The following CEP128 variants were observed in gnomAD, a reference collection of about 807,000 sequenced individuals.
CEP128 encodes centrosomal protein 128.
Under a neutral mutation model 156.7 loss-of-function variants are expected in CEP128, and 132 were observed. That is an observed-to-expected ratio of 0.84 (90% CI 0.73 to 0.97). CEP128 has a LOEUF of 0.97. Among genes scored for constraint, CEP128 ranks in the 50% least tolerant of loss-of-function variants. CEP128 has a pLI of 0.00. For synonymous variants in CEP128, 469 were observed against 448.9 expected (o/e 1.04, Z -0.57); for missense variants, 1,252 against 1,281.9 (o/e 0.98, Z 0.36).
intron 2 of CEP128, among the ~76,000 whole-genome samples, chr14:80,929,643 C>T (rs1432248567): frequency 6.6e-6 from 1 of 152,124 alleles, no homozygotes; most frequent in Admixed American, 6.5e-5. Context: ...CATGTTCTCA[C>T]TTACAAGTGG....
intron 20 of CEP128, among the ~76,000 whole-genome samples, chr14:80,574,232 T>C (rs954464547): frequency 1.3e-5 from 2 of 152,208 alleles, no homozygotes; most frequent in Admixed American, 1.3e-4. Context: ...ATTGCTTCAG[T>C]TCTTTCTGAG....
rs151153916 is a variant in CEP128, at chr14:80,886,459, A to T, written c.645+9259T>A. On this transcript the variant is annotated intron_variant, in intron 8 of 24. Coordinates refer to ENST00000555265, the MANE Select transcript of CEP128 (RefSeq NM_152446.5). ...GCAGAAACCCTACAAGCCAAAAGAG[A>T]GTGGGGGCCAATATTCAACATTCTT... Among the ~76,000 whole-genome samples, 1,501 of 152,308 alleles carry T rather than the reference A, an allele frequency of 9.9e-3. 34 individuals carry two copies. The highest frequency in any genetic ancestry group is 0.034 in the African/African-American group (1,421 of 41,558).
rs57054840 is a variant in CEP128, at chr14:80,689,290, CAAAAAAAAAAAA to C, written c.2806+53773_2806+53784del. 3.4e-3 allele frequency among the ~76,000 whole-genome samples: 330 copies of C among 96,652 alleles called. 1 individual carries two copies. Among genetic ancestry groups the C allele is most frequent in the Non-Finnish European group, 6.1e-3 (286 of 47,210 alleles). The allele number at this position is 96,652 out of a possible 152,430, so 63.4% of individuals were successfully genotyped here. On this transcript the variant is annotated intron_variant, in intron 19 of 24. Transcript: ENST00000555265. ...TGCATGACACAGCGAGACTCCGTCT[CAAAAAAAAAAAA>C]AAAAAAAAAAAAGAGAAATGCATCT... is the stretch of plus-strand genomic sequence containing the variant.
intron 21 of CEP128, among the ~76,000 whole-genome samples, chr14:80,540,750 G>T (rs1253448262): frequency 6.6e-6 from 1 of 152,120 alleles, no homozygotes; most frequent in Admixed American, 6.5e-5. Context: ...GGGAAGATGG[G>T]CATCTTACTC....
intron 2 of CEP128, among the ~76,000 whole-genome samples, chr14:80,919,407 G>A (rs1207756890): frequency 6.6e-6 from 1 of 152,072 alleles, no homozygotes; most frequent in East Asian, 1.9e-4. Flanking sequence ...TCTGACATAT[G>A]TACCTTTGAG....
At chr14:80,518,048 G>A (rs574939999) in intron 23 of CEP128, among the ~76,000 whole-genome samples, 2 of 151,240 alleles carry the variant, frequency 1.3e-5, no homozygotes, top group Non-Finnish European at 2.9e-5. Flanking sequence ...CCAGAAGGGC[G>A]TGCAGTTGCA....
Position 80,663,833 on chromosome 14 carries a change from G to A in CEP128, c.2806+79242C>T, listed in dbSNP as rs149925564. On this transcript the variant is annotated intron_variant, in intron 19 of 24. Transcript: ENST00000555265. ...AGGATTGGCCTCAAGTCTTGTTCTT[G>A]TCCCACAATACAGCACTGGTACCCC... is the stretch of plus-strand genomic sequence containing the variant. Among the ~76,000 whole-genome samples, 819 of 152,284 alleles carry A rather than the reference G, an allele frequency of 5.4e-3. 7 individuals are homozygous for A. The highest frequency in any genetic ancestry group is 0.019 in the African/African-American group (780 of 41,550).
In CEP128 at chr14:80,526,834, A is replaced by AC. The variant is rs764966426; in HGVS notation, c.3072+34dup. ...GGTTGTAGCCTTAAACATGGATACTACTTAAAGACTAAAAAAGTATATAAA... is the reference window on the plus strand; with the variant it reads ...GGTTGTAGCCTTAAACATGGATACTACCTTAAAGACTAAAAAAGTATATAAA... On this transcript the variant is annotated intron_variant, in intron 23 of 24. Coordinates refer to ENST00000555265, the MANE Select transcript of CEP128 (RefSeq NM_152446.5). The AC allele has an allele frequency of 1.5e-4, 171 of 1,178,170 alleles. 1 individual carries two copies. The highest frequency in any genetic ancestry group is 1.4e-4 in the Non-Finnish European group (108 of 790,440). 73.0% of individuals were successfully genotyped at this position (1,178,170 alleles called of 1,614,324 possible). A position where few individuals can be genotyped will look rare whatever the true frequency, so the allele number is the denominator to read the frequency against.
intron 16 of CEP128, among the ~76,000 whole-genome samples, chr14:80,762,563 A>G (rs1900024834): frequency 6.6e-6 from 1 of 152,220 alleles, no homozygotes; most frequent in Admixed American, 6.5e-5. Context: ...TAAAAGAAAC[A>G]TAAATGATAT....
chr14:80,572,043 T>C (rs991824419), intron 20 of CEP128, among the ~76,000 whole-genome samples: 10 of 152,226 alleles, frequency 6.6e-5, no homozygotes, highest in Non-Finnish European at 7.3e-5. Flanking sequence ...TTGCTTGGTT[T>C]CATGTGTGAC....
intron 12 of CEP128, among the ~76,000 whole-genome samples, chr14:80,833,654 C>T (rs907372862): frequency 6.6e-6 from 1 of 151,646 alleles, no homozygotes; most frequent in Non-Finnish European, 1.5e-5. Flanking sequence ...TTTTTATAAT[C>T]ATTAATATAG....
chr14:80,693,099 G>T (rs1368117252), intron 19 of CEP128, among the ~76,000 whole-genome samples: 1 of 152,124 alleles, frequency 6.6e-6, no homozygotes, highest in Non-Finnish European at 1.5e-5. Context: ...AGTAGCAAAG[G>T]TCAAAGATAT....
At chr14:80,679,454 T>C (rs1488063178) in intron 19 of CEP128, among the ~76,000 whole-genome samples, 2 of 152,144 alleles carry the variant, frequency 1.3e-5, no homozygotes, top group Non-Finnish European at 2.9e-5. Context: ...GTGACTGTCT[T>C]ACGTGGCTGA....
chr14:80,691,415 A>C (rs1163898760), intron 19 of CEP128, among the ~76,000 whole-genome samples: 3 of 152,158 alleles, frequency 2.0e-5, no homozygotes, highest in Non-Finnish European at 4.4e-5. Context: ...TTGGGGTTAG[A>C]CTTTCAGGGG....
At chr14:80,617,223 T>G (rs868372051) in intron 19 of CEP128, among the ~76,000 whole-genome samples, 1 of 95,868 alleles carries the variant, frequency 1.0e-5, no homozygotes, top group African/African-American at 4.0e-5. Context: ...TATCATCTTT[T>G]TTTTTTTTTT....
intron 19 of CEP128, among the ~76,000 whole-genome samples, chr14:80,611,687 C>T (rs1452304379): frequency 6.6e-6 from 1 of 152,184 alleles, no homozygotes; most frequent in Non-Finnish European, 1.5e-5. Context: ...TATAGCTTCA[C>T]TCTAAGTATT....
chr14:80,808,456 G>C (rs1884312859), intron 13 of CEP128, among the ~76,000 whole-genome samples: 3 of 152,046 alleles, frequency 2.0e-5, no homozygotes, highest in Admixed American at 2.0e-4. Flanking sequence ...ACACCTGTTG[G>C]AACCCAGAGG....
intron 23 of CEP128, among the ~76,000 whole-genome samples, chr14:80,510,982 T>C (rs565781997): frequency 2.0e-5 from 3 of 152,022 alleles, no homozygotes; most frequent in Non-Finnish European, 4.4e-5. Context: ...TAATAGATTA[T>C]TGAATTTGGT....
At chr14:80,641,926 A>T (rs1894426230) in intron 19 of CEP128, among the ~76,000 whole-genome samples, 1 of 151,694 alleles carries the variant, frequency 6.6e-6, no homozygotes, top group Non-Finnish European at 1.5e-5. Context: ...CATCTCTACT[A>T]AAAAATATAA....
Sources: allele counts gnomAD v4.1 joint callset (sites outside exome capture counted in the v4.1 genomes callset), GRCh38; gene constraint gnomAD v4.1.1; transcripts MANE v1.5; gene names NCBI Gene and HGNC (gene_info 2026-07-23, HGNC 2026-07-21).